Variants in CLASP1 observed in about 807,000 individuals in gnomAD.
CLASP1 encodes CLIP-associating protein 1.
Under a neutral mutation model 192.3 loss-of-function variants are expected in CLASP1, and 38 were observed. That is an observed-to-expected ratio of 0.20 (90% CI 0.15 to 0.26). The LOEUF (loss-of-function observed/expected upper bound fraction) is 0.26, where lower values mean the gene tolerates loss of function less well. Ranked by LOEUF, CLASP1 falls within the 10% of genes least tolerant of loss-of-function variation. The pLI, the probability that CLASP1 is intolerant of heterozygous loss-of-function variation, is 1.00. For missense variants in CLASP1, 1,433 were observed against 1,932.5 expected (o/e 0.74, Z 4.85); for synonymous variants, 691 against 712.8 (o/e 0.97, Z 0.49).
At chr2:121,571,800 A>T (rs2059999386) in intron 2 of CLASP1, among the ~76,000 whole-genome samples, 1 of 152,152 alleles carries the variant, frequency 6.6e-6, no homozygotes. Flanking sequence ...GGTGGAAGAA[A>T]AGCAAAGAAT....
intron 33 of CLASP1, among the ~76,000 whole-genome samples, chr2:121,381,994 C>T (rs749183402): frequency 6.6e-6 from 1 of 152,142 alleles, no homozygotes; most frequent in Non-Finnish European, 1.5e-5. Flanking sequence ...AAAGGGTCAT[C>T]TGTCCCTGTG....
chr2:121,532,407 C>A (rs1175485421), intron 2 of CLASP1: 1 of 152,160 alleles, frequency 6.6e-6, no homozygotes. Context: ...GAGTAACTAT[C>A]CTGCGGAGAA....
chr2:121,515,408 C>T (rs1013469979), intron 7 of CLASP1, among the ~76,000 whole-genome samples: 1 of 152,094 alleles, frequency 6.6e-6, no homozygotes, highest in Admixed American at 6.5e-5. Context: ...TTTTTCAATA[C>T]CAATTGCTTT....
chr2:121,513,225 T>C (rs1393141795), intron 7 of CLASP1, among the ~76,000 whole-genome samples: 3 of 152,072 alleles, frequency 2.0e-5, no homozygotes, highest in Non-Finnish European at 2.9e-5. Flanking sequence ...CTCACTAGAG[T>C]AAGGTTTTTA....
chr2:121,645,727 A>G (rs574278209), intron 1 of CLASP1, among the ~76,000 whole-genome samples: 3 of 152,360 alleles, frequency 2.0e-5, no homozygotes, highest in Admixed American at 6.5e-5. Flanking sequence ...GAAACAAGAC[A>G]GAAGTTAACA....
intron 1 of CLASP1, among the ~76,000 whole-genome samples, chr2:121,609,743 C>T (rs943951452): frequency 6.6e-6 from 1 of 152,054 alleles, no homozygotes; most frequent in African/African-American, 2.4e-5. Context: ...GAGATGGAGA[C>T]CAGCCTGGCC....
Position 121,561,127 on chromosome 2 carries a change from G to A in CLASP1, c.196-30802C>T, listed in dbSNP as rs544752759. ...TTGCCATGTTGGCCAGGTTGGTCTCGAACTCCTGGCCTCAGGTGATCCAAC... is the reference window on the plus strand; with the variant it reads ...TTGCCATGTTGGCCAGGTTGGTCTCAAACTCCTGGCCTCAGGTGATCCAAC... On this transcript the variant is annotated intron_variant, in intron 2 of 39. Coordinates refer to ENST00000263710, the Ensembl canonical transcript of CLASP1. Among the ~76,000 whole-genome samples, 280 of 152,182 alleles carry A rather than the reference G, an allele frequency of 1.8e-3. 2 individuals are homozygous for A. The highest frequency in any genetic ancestry group is 5.7e-3 in the African/African-American group (237 of 41,524).
At chr2:121,377,941 G>C (rs985288178) in intron 33 of CLASP1, among the ~76,000 whole-genome samples, 1 of 152,082 alleles carries the variant, frequency 6.6e-6, no homozygotes, top group African/African-American at 2.4e-5. Context: ...GTGACTGAAG[G>C]CACGAGATAA....
chr2:121,534,143 GC>G (rs1311797110), intron 2 of CLASP1, among the ~76,000 whole-genome samples: 1 of 152,224 alleles, frequency 6.6e-6, no homozygotes, highest in Non-Finnish European at 1.5e-5. Context: ...GGTTCACTTT[GC>G]CCTGGGGCCA....
intron 39 of CLASP1, among the ~76,000 whole-genome samples, chr2:121,344,608 G>C (rs1024069020): frequency 6.6e-6 from 1 of 152,094 alleles, no homozygotes; most frequent in Non-Finnish European, 1.5e-5. Flanking sequence ...TGGGATTACA[G>C]GTATGAGCCG....
chr2:121,449,693 G>A (rs114878560), intron 16 of CLASP1, among the ~76,000 whole-genome samples: 16 of 152,152 alleles, frequency 1.1e-4, no homozygotes, highest in African/African-American at 3.9e-4. Context: ...TTTTAGCAAC[G>A]ATTAATTATA....
chr2:121,495,039 T>C (rs772632889), intron 8 of CLASP1, among the ~76,000 whole-genome samples: 41 of 146,256 alleles, frequency 2.8e-4, no homozygotes, highest in Admixed American at 2.0e-3. Flanking sequence ...AATAAATAAA[T>C]AGGCCGGGCA....
intron 2 of CLASP1, among the ~76,000 whole-genome samples, chr2:121,554,731 G>A (rs1326773288): frequency 6.6e-6 from 1 of 152,188 alleles, no homozygotes; most frequent in African/African-American, 2.4e-5. Flanking sequence ...CCTAGAGCTG[G>A]GGGTAGAAGT....
intron 8 of CLASP1, among the ~76,000 whole-genome samples, chr2:121,489,724 G>A (rs1248761315): frequency 2.0e-5 from 3 of 152,204 alleles, no homozygotes; most frequent in Admixed American, 6.5e-5. Context: ...TTTTTTGTGA[G>A]CAATACTTCT....
exon 19 of CLASP1, chr2:121,447,368 T>G: frequency 6.3e-7 from 1 of 1,590,326 alleles, no homozygotes; most frequent in South Asian, 1.2e-5. Context: ...GAGGCAAAGC[T>G]GCTGCAGAGC....
At position 121,483,909 on chromosome 2, in the gene CLASP1, G is replaced by A. The variant is rs949433088; in HGVS notation, c.713-13949C>T. Among the ~76,000 whole-genome samples the A allele has an allele frequency of 1.2e-4, 18 of 152,240 alleles. No homozygotes were observed. The East Asian group carries it at 2.3e-3, about 20-fold the overall frequency. On this transcript the variant is annotated intron_variant, in intron 8 of 39. Transcript: ENST00000263710. ...CTAAAATTCTTTTAATTACATTTGG[G>A]TAGTATTACAAACCTAAATGCAAAT...
At chr2:121,622,995 G>T (rs1375404677) in intron 1 of CLASP1, among the ~76,000 whole-genome samples, 2 of 152,048 alleles carry the variant, frequency 1.3e-5, no homozygotes, top group African/African-American at 4.8e-5. Context: ...AGGCCAAGGT[G>T]GGTGGATCAC....
exon 11 of CLASP1, chr2:121,461,113 C>G: frequency 1.3e-6 from 2 of 1,598,814 alleles, no homozygotes; most frequent in Non-Finnish European, 1.7e-6. Flanking sequence ...CATTTACTCT[C>G]TGCTCCCAAT....
chr2:121,404,479 A>T, intron 25 of CLASP1, 45 bp from the exon 27 acceptor site: 1 of 1,524,230 alleles, frequency 6.6e-7, no homozygotes, highest in East Asian at 2.4e-5. Context: ...TACTTTTATT[A>T]TTTTTGAGAC....
Sources: allele counts gnomAD v4.1 joint callset (sites outside exome capture counted in the v4.1 genomes callset), GRCh38; gene constraint gnomAD v4.1.1; transcripts MANE v1.5; gene names NCBI Gene and HGNC (gene_info 2026-07-23, HGNC 2026-07-21).